Variants in PSPH observed in about 807,000 individuals in gnomAD.
PSPH encodes the protein phosphoserine phosphatase.
A neutral mutation model predicts 23.4 loss-of-function variants in PSPH; 16 were observed. The ratio of observed to expected loss-of-function variants is 0.68; its 90% CI spans 0.46 to 1.04. PSPH has a LOEUF of 1.04. Ranked by LOEUF, PSPH falls within the 50% of genes least tolerant of loss-of-function variation. The pLI is 0.00. For missense variants in PSPH, 223 were observed against 273.7 expected (o/e 0.81, Z 1.31); for synonymous variants, 68 against 99.7 (o/e 0.68, Z 1.89).
rs181508433 is a variant in PSPH at position 56,037,959 on chromosome 7, C to T, written c.-291-3853G>A. Among the ~76,000 whole-genome samples, 332 of 151,772 alleles carry T rather than the reference C, an allele frequency of 2.2e-3. 1 individual carries two copies. Among genetic ancestry groups the T allele is most frequent in the African/African-American group, 6.9e-3 (285 of 41,460 alleles). The stretch of plus-strand genomic sequence containing the variant: ...AACCCCTGGCCTCAGGTGATCCACT[C>T]GCCTTGGCCTCCCAAAGTGCTGGGA... On this transcript the variant is annotated intron_variant, in intron 1 of 7. Transcript: ENST00000275605.
At chr7:56,037,705 AATTTTTTTTTTT>A (rs1292544532) in intron 1 of PSPH, among the ~76,000 whole-genome samples, 1 of 139,564 alleles carries the variant, frequency 7.2e-6, no homozygotes, top group Non-Finnish European at 1.5e-5. Flanking sequence ...TAAGCTAACA[AATTTTTTTTTTT>A]TTTTTTTTTT....
chr7:56,036,379 T>G (rs1412140834), intron 1 of PSPH, among the ~76,000 whole-genome samples: 2 of 152,216 alleles, frequency 1.3e-5, no homozygotes, highest in African/African-American at 4.8e-5. Context: ...AGAGTTAACT[T>G]ATGCTATTAT....
In PSPH at chr7:56,041,193, ATC is replaced by A. The variant is rs934000508; in HGVS notation, c.-291-7089_-291-7088del. ...AGCTTGATTATCATAGCAAGACTCTATCTCTCTCTCTCTCTCTTTTTTTTTTT... is the reference window on the plus strand; with the variant it reads ...AGCTTGATTATCATAGCAAGACTCTATCTCTCTCTCTCTCTTTTTTTTTTT... On this transcript the variant is annotated intron_variant, in intron 1 of 7. Coordinates refer to ENST00000275605, the MANE Select transcript of PSPH (RefSeq NM_004577.4). Among the ~76,000 whole-genome samples, 20 of 146,926 alleles carry A rather than the reference ATC, an allele frequency of 1.4e-4. No homozygotes were observed. The South Asian group carries it at 1.7e-3, about 13-fold the overall frequency.
At chr7:56,014,956 G>T (rs1788387875) in intron 7 of PSPH, 67 bp downstream of exon 7, 35 of 1,427,236 alleles carry the variant, frequency 2.5e-5, no homozygotes, top group Non-Finnish European at 3.2e-5. Flanking sequence ...AAAAAATAAA[G>T]AAATAATAAA....
rs758778910 is a variant in PSPH at position 56,019,753 on chromosome 7, AG to A, written c.141-20del. 3.7e-6 allele frequency: 6 copies of A among 1,611,776 alleles called. No homozygotes were observed. The highest frequency in any genetic ancestry group is 5.1e-6 in the Non-Finnish European group (6 of 1,179,782). ...CCGTGTCCTAGGAGGGAGACCCAAC[AG>A]TCAGGCCAGCCAGGTCCGATGTCCT... On this transcript the variant is annotated intron_variant, in intron 4 of 7. Transcript: ENST00000275605.
chr7:56,050,422 C>T (rs1793858926), intron 1 of PSPH, among the ~76,000 whole-genome samples: 1 of 152,140 alleles, frequency 6.6e-6, no homozygotes, highest in Admixed American at 6.6e-5. Flanking sequence ...TGCACCACCA[C>T]GCCTGGCTAA....
chr7:56,041,643 G>A (rs1387810709), intron 1 of PSPH, among the ~76,000 whole-genome samples: 5 of 152,068 alleles, frequency 3.3e-5, no homozygotes, highest in Admixed American at 6.6e-5. Flanking sequence ...GTGTGAGTGC[G>A]CCGGGCACGG....
intron 1 of PSPH, among the ~76,000 whole-genome samples, chr7:56,037,767 C>T (rs1349682572): frequency 7.2e-6 from 1 of 139,304 alleles, no homozygotes; most frequent in African/African-American, 2.7e-5. Context: ...GGCTGGAGTG[C>T]AGTAGCGTGA....
At chr7:56,017,170 A>G in intron 6 of PSPH, 64 bp downstream of exon 6, 8 of 1,608,866 alleles carry the variant, frequency 5.0e-6, no homozygotes, top group Non-Finnish European at 6.8e-6. Context: ...TTCCAAAGAC[A>G]TTACCCAGAA....
At chr7:56,014,912 C>T in intron 7 of PSPH, 111 bp downstream of exon 7, 1 of 1,206,446 alleles carries the variant, frequency 8.3e-7, no homozygotes, top group African/African-American at 1.6e-5. Flanking sequence ...CACTGCACTC[C>T]AACCTGGGCA....
intron 4 of PSPH, 75 bp downstream of exon 4, chr7:56,020,998 C>A (rs1455359447): frequency 6.4e-7 from 1 of 1,551,962 alleles, no homozygotes; most frequent in Non-Finnish European, 8.8e-7. Flanking sequence ...TAGCCAGGGT[C>A]TAGCACTTCA....
chr7:56,011,609 T>A lies in PSPH; in HGVS notation c.*153A>T. 30 of 488,582 alleles carry A rather than the reference T, an allele frequency of 6.1e-5. No homozygotes were observed. Among genetic ancestry groups the A allele is most frequent in the East Asian group, 1.6e-4 (4 of 25,744 alleles). 30.3% of individuals were successfully genotyped at this position (488,582 alleles called of 1,614,324 possible). A position where few individuals can be genotyped will look rare whatever the true frequency, so the allele number is the denominator to read the frequency against. On this transcript the variant is annotated 3_prime_UTR_variant, in exon 8 of 8. Coordinates refer to ENST00000275605, the MANE Select transcript of PSPH (RefSeq NM_004577.4). Reference sequence around the variant, plus strand: ...ACAGTTAAAAAAAAAAAAAAAGCAATCTTCTAGGATTCCTAACTGTAGTTT... The same window carrying A: ...ACAGTTAAAAAAAAAAAAAAAGCAAACTTCTAGGATTCCTAACTGTAGTTT...
intron 3 of PSPH, among the ~76,000 whole-genome samples, chr7:56,026,488 C>CA (rs56089644): frequency 0.072 from 5,061 of 69,938 alleles, 216 homozygotes; most frequent in East Asian, 0.15. Flanking sequence ...GACTCCATCT[C>CA]AAAAAAAAAA....
intron 4 of PSPH, 133 bp downstream of exon 4, chr7:56,020,940 A>C: frequency 9.9e-7 from 1 of 1,014,762 alleles, no homozygotes; most frequent in Non-Finnish European, 1.5e-6. Context: ...TGAATATGTC[A>C]AATTCAGCTC....
intron 1 of PSPH, among the ~76,000 whole-genome samples, chr7:56,042,605 C>A (rs1288731091): frequency 6.7e-6 from 1 of 149,236 alleles, no homozygotes; most frequent in African/African-American, 2.5e-5. Flanking sequence ...GAGACATGTT[C>A]GTGCCACTGC....
chr7:56,015,179 G>C lies in PSPH; in HGVS notation c.422-8C>G. 2 of 1,613,636 alleles carry C rather than the reference G, an allele frequency of 1.2e-6. No homozygotes were observed. Among genetic ancestry groups the C allele is most frequent in the Non-Finnish European group, 1.7e-6 (2 of 1,179,744 alleles). The stretch of plus-strand genomic sequence containing the variant: ...CAAAACCTGCATATTCACCTTAAAA[G>C]AGAAATAAAAATAGGGTTAAAGACC... On this transcript the variant is annotated splice_region_variant and splice_polypyrimidine_tract_variant and intron_variant, in intron 6 of 7. Coordinates refer to ENST00000275605, the MANE Select transcript of PSPH (RefSeq NM_004577.4).
At chr7:56,039,407 A>G (rs534714372) in intron 1 of PSPH, among the ~76,000 whole-genome samples, 8 of 152,282 alleles carry the variant, frequency 5.3e-5, no homozygotes, top group Admixed American at 3.9e-4. Flanking sequence ...GATGGTAGGT[A>G]TACGGATGCT....
chr7:56,033,988 G>A lies in PSPH; in HGVS notation c.-173C>T, dbSNP rs1043030207. On this transcript the variant is annotated 5_prime_UTR_variant, in exon 2 of 8. Transcript: ENST00000275605. ...TGTGTCCTGGGCCTCCGGGGCTCCTGCGGCTGCAACCTTCCGGCTGCAGGG... is the reference window on the plus strand; with the variant it reads ...TGTGTCCTGGGCCTCCGGGGCTCCTACGGCTGCAACCTTCCGGCTGCAGGG... 6.6e-6 allele frequency: 1 copy of A among 152,514 alleles called. No homozygotes were observed. Among genetic ancestry groups the A allele is most frequent in the African/African-American group, 2.4e-5 (1 of 41,470 alleles). 9.4% of individuals were successfully genotyped at this position (152,514 alleles called of 1,614,324 possible). A position where few individuals can be genotyped will look rare whatever the true frequency, so the allele number is the denominator to read the frequency against.
In PSPH at chr7:56,049,568, A is replaced by T. The variant is rs539846529; in HGVS notation, c.-292+1570T>A. 6.6e-5 allele frequency among the ~76,000 whole-genome samples: 10 copies of T among 151,800 alleles called. No homozygotes were observed. In the East Asian group the frequency reaches 2.0e-3, roughly 30 times the overall value. ...ATTCTCCCGCCTCAGCCTCCCGAGG[A>T]ACTGGGATTACAGGCAGCCGCCACC... On this transcript the variant is annotated intron_variant, in intron 1 of 7. Coordinates refer to ENST00000275605, the MANE Select transcript of PSPH (RefSeq NM_004577.4).
Sources: gnomAD v4.1 joint callset for allele counts (sites outside exome capture counted in the v4.1 genomes callset) on GRCh38, gnomAD v4.1.1 for gene constraint, MANE v1.5 for transcripts, NCBI Gene and HGNC (gene_info 2026-07-23, HGNC 2026-07-21) for gene names.